Variants in SYNGR1 observed in about 807,000 individuals in gnomAD.
SYNGR1 encodes the protein synaptogyrin 1.
Under a neutral mutation model 26.1 loss-of-function variants are expected in SYNGR1, and 14 were observed. The observed-to-expected ratio is 0.54, with a 90% CI of 0.35 to 0.84. The LOEUF (loss-of-function observed/expected upper bound fraction) is 0.84. SYNGR1 is among the 40% of genes least tolerant of loss of function. The pLI is 0.01. For missense variants in SYNGR1, 319 were observed against 332.9 expected (o/e 0.96, Z 0.33); for synonymous variants, 141 against 150.1 (o/e 0.94, Z 0.44).
At chr22:39,374,098 G>C (rs1355663814) in intron 1 of SYNGR1, among the ~76,000 whole-genome samples, 2 of 152,188 alleles carry the variant, frequency 1.3e-5, no homozygotes, top group Non-Finnish European at 1.5e-5. Context: ...CTCAGTGCCT[G>C]TGGCTGAGGA....
intron 1 of SYNGR1, among the ~76,000 whole-genome samples, chr22:39,356,528 T>C (rs1007681666): frequency 6.6e-6 from 1 of 151,830 alleles, no homozygotes; most frequent in Non-Finnish European, 1.5e-5. Flanking sequence ...GAGCAGCGTG[T>C]GCAAAGCTGT....
At chr22:39,378,107 A>T (rs1411928553) in intron 3 of SYNGR1, 2 of 1,173,108 alleles carry the variant, frequency 1.7e-6, no homozygotes, top group African/African-American at 3.2e-5. Context: ...GTGCAGAGCA[A>T]TAGCCTCTCC....
chr22:39,378,052 A>G (rs1333978384), intron 3 of SYNGR1: 19 of 1,189,648 alleles, frequency 1.6e-5, no homozygotes, highest in Non-Finnish European at 2.0e-5. Flanking sequence ...GGCCCCATAC[A>G]TGGGCTGCCT....
Position 39,350,377 on chromosome 22 carries a change from C to T in SYNGR1, c.99+268C>T, listed in dbSNP as rs966012864. Among the ~76,000 whole-genome samples the T allele has an allele frequency of 6.6e-6, 1 of 152,166 alleles. No homozygotes were observed. Among genetic ancestry groups the T allele is most frequent in the Non-Finnish European group, 1.5e-5 (1 of 68,018 alleles). On this transcript the variant is annotated intron_variant, in intron 1 of 3. Coordinates refer to ENST00000328933, the MANE Select transcript of SYNGR1 (RefSeq NM_004711.5). The surrounding 1 kb of genome is among the most constrained non-coding windows in gnomAD (Gnocchi z 4.3). ...TGGGGCCCCCGGTTCGTGCGCCCCCCTTCCCGCCCCGATTGCTGTGACCTC... is the reference window on the plus strand; with the variant it reads ...TGGGGCCCCCGGTTCGTGCGCCCCCTTTCCCGCCCCGATTGCTGTGACCTC...
At chr22:39,370,079 C>T (rs527426525) in intron 1 of SYNGR1, among the ~76,000 whole-genome samples, 67 of 152,182 alleles carry the variant, frequency 4.4e-4, no homozygotes, top group Non-Finnish European at 6.5e-4. Context: ...GCAATCCTCC[C>T]ACCTCAGTCC....
At chr22:39,351,522 G>C (rs1011848637) in intron 1 of SYNGR1, among the ~76,000 whole-genome samples, 6 of 152,228 alleles carry the variant, frequency 3.9e-5, no homozygotes, top group African/African-American at 1.4e-4. Flanking sequence ...CTGCTCCCCA[G>C]ATGCCCCAAC....
At chr22:39,360,245 C>T (rs1893875615) in intron 1 of SYNGR1, among the ~76,000 whole-genome samples, 1 of 152,220 alleles carries the variant, frequency 6.6e-6, no homozygotes, top group Non-Finnish European at 1.5e-5. Context: ...CTCTCCTCCA[C>T]CCTCAGTTTC....
At position 39,374,394 on chromosome 22, in the gene SYNGR1, A is replaced by C. The variant is rs770239217; in HGVS notation, c.178A>C (p.Ile60Leu). ...NSASEGEEFCIYNRNPNACSY... is the reference protein window; with the variant it reads ...NSASEGEEFCLYNRNPNACSY... Reference sequence around the variant, plus strand: ...CGCCTCCGAGGGGGAGGAGTTCTGCATCTACAACCGCAACCCCAACGCCTG... The same window carrying C: ...CGCCTCCGAGGGGGAGGAGTTCTGCCTCTACAACCGCAACCCCAACGCCTG... Residue 60 changes from isoleucine to leucine, a missense_variant, in exon 2 of 4, where the codon ATC (isoleucine) becomes CTC (leucine). By Grantham distance (5) the Ile-to-Leu change is conservative. Transcript: ENST00000328933. 6.2e-7 allele frequency: 1 copy of C among 1,614,078 alleles called. No homozygotes were observed.
Position 39,363,129 on chromosome 22 carries a change from C to T in SYNGR1, c.100-11187C>T, listed in dbSNP as rs533529229. ...AGGCATCCCAGGCAGAGGAAAGAGCCGAGTGTGAATGCCCTGAGGCAGGGA... is the reference window on the plus strand; with the variant it reads ...AGGCATCCCAGGCAGAGGAAAGAGCTGAGTGTGAATGCCCTGAGGCAGGGA... On this transcript the variant is annotated intron_variant, in intron 1 of 3. Transcript: ENST00000328933. Among the ~76,000 whole-genome samples, 15 of 151,998 alleles carry T rather than the reference C, an allele frequency of 9.9e-5. 1 individual carries two copies. In the East Asian group the frequency reaches 2.5e-3, roughly 26 times the overall value.
At chr22:39,365,094 C>G (rs1924673606) in intron 1 of SYNGR1, among the ~76,000 whole-genome samples, 1 of 152,172 alleles carries the variant, frequency 6.6e-6, no homozygotes. Context: ...TCCATCCTCC[C>G]CTGTTTCTGG....
chr22:39,377,198 C>T (rs1191917271), intron 3 of SYNGR1: 21 of 1,440,040 alleles, frequency 1.5e-5, no homozygotes, highest in South Asian at 4.5e-5. Flanking sequence ...CCCGGGTTGA[C>T]GTCTTTTTCT....
intron 3 of SYNGR1, chr22:39,378,421 G>C: frequency 2.0e-6 from 2 of 983,772 alleles, no homozygotes; most frequent in African/African-American, 3.5e-5. Context: ...AGAGTCAGGG[G>C]CACCTCCAGA....
At chr22:39,373,452 G>A (rs1006964121) in intron 1 of SYNGR1, among the ~76,000 whole-genome samples, 1 of 149,806 alleles carries the variant, frequency 6.7e-6, no homozygotes, top group African/African-American at 2.5e-5. Flanking sequence ...AGGCGTGAGC[G>A]ACCACGCCTG....
At chr22:39,358,590 C>T (rs922164027) in intron 1 of SYNGR1, among the ~76,000 whole-genome samples, 1 of 152,086 alleles carries the variant, frequency 6.6e-6, no homozygotes, top group African/African-American at 2.4e-5. Flanking sequence ...AGAGCTGTAA[C>T]ACTCACCGCG....
chr22:39,366,776 C>T (rs1233300161), intron 1 of SYNGR1, among the ~76,000 whole-genome samples: 1 of 152,198 alleles, frequency 6.6e-6, no homozygotes, highest in African/African-American at 2.4e-5. Flanking sequence ...CCTTTGCCAC[C>T]ACAGTCTTTT....
chr22:39,363,510 G>A (rs1258512300), intron 1 of SYNGR1, among the ~76,000 whole-genome samples: 1 of 152,036 alleles, frequency 6.6e-6, no homozygotes, highest in Non-Finnish European at 1.5e-5. Flanking sequence ...CCAGGACTGG[G>A]GCCCAGCAGC....
chr22:39,351,229 AC>A (rs979568184), intron 1 of SYNGR1, among the ~76,000 whole-genome samples: 19 of 151,994 alleles, frequency 1.3e-4, no homozygotes, highest in African/African-American at 4.6e-4. Flanking sequence ...ACTGTCAGGG[AC>A]CCCAGGGGCT....
rs1569174636 is a variant in SYNGR1, at chr22:39,357,634, GC to G, written c.99+7527del. 3.6e-3 allele frequency among the ~76,000 whole-genome samples: 257 copies of G among 70,880 alleles called. 4 individuals carry two copies. Among genetic ancestry groups the G allele is most frequent in the Non-Finnish European group, 5.4e-4 (20 of 37,094 alleles). 46.5% of individuals were successfully genotyped at this position (70,880 alleles called of 152,430 possible). A position where few individuals can be genotyped will look rare whatever the true frequency, so the allele number is the denominator to read the frequency against. ...CTTGGCGGGCCCCGCCCTCGGAGCA[GC>G]CGGCCAGCCCTGCTGGCCCCGGACC... is the stretch of plus-strand genomic sequence containing the variant. On this transcript the variant is annotated intron_variant, in intron 1 of 3. Transcript: ENST00000328933.
chr22:39,364,195 A>T, intron 1 of SYNGR1: 1 of 1,613,118 alleles, frequency 6.2e-7, no homozygotes, highest in African/African-American at 1.3e-5. Flanking sequence ...CCTTGGTCTC[A>T]TGTTGACCTT....
Sources: allele counts gnomAD v4.1 joint callset (sites outside exome capture counted in the v4.1 genomes callset), GRCh38; gene constraint gnomAD v4.1.1; non-coding constraint Gnocchi (gnomAD v3.1); transcripts MANE v1.5; gene names NCBI Gene and HGNC (gene_info 2026-07-23, HGNC 2026-07-21).